Variants in TSNARE1 observed in about 807,000 individuals in gnomAD.
The protein encoded by TSNARE1 is t-SNARE domain containing 1.
TSNARE1 carries 49 observed loss-of-function variants against 62.0 expected under a neutral mutation model. The ratio of observed to expected loss-of-function variants is 0.79; its 90% confidence interval spans 0.63 to 1.00. The LOEUF (loss-of-function observed/expected upper bound fraction) is 1.00, where lower values mean the gene tolerates loss of function less well. Among genes scored for constraint, TSNARE1 ranks in the 50% least tolerant of loss-of-function variants. The pLI, the probability that TSNARE1 is intolerant of heterozygous loss-of-function variation, is 0.00. For synonymous variants in TSNARE1, 328 were observed against 294.4 expected, an observed-to-expected ratio of 1.11 and a Z score of -1.17; for missense variants, 755 against 700.1, an observed-to-expected ratio of 1.08 and a Z score of -0.88.
chr8:142,388,490 A>C (rs1395853716), intron 1 of TSNARE1, among the ~76,000 whole-genome samples: 1 of 147,372 alleles, frequency 6.8e-6, no homozygotes, highest in African/African-American at 2.5e-5. Context: ...TGAAAACCCA[A>C]GATAATGAAC....
intron 10 of TSNARE1, among the ~76,000 whole-genome samples, 195 bp from the exon 11 acceptor site, chr8:142,284,680 G>A (rs771797251): frequency 6.6e-6 from 1 of 152,122 alleles, no homozygotes; most frequent in African/African-American, 2.4e-5. Flanking sequence ...AAGGGCCAGG[G>A]GTGAGCCCAG....
At chr8:142,269,925 C>G (rs377730913) in intron 12 of TSNARE1, 438 of 985,418 alleles carry the variant, frequency 4.4e-4, no homozygotes, top group Non-Finnish European at 4.8e-4. Context: ...AAACGCAAAA[C>G]GAGGAAAAGG....
At chr8:142,352,858 C>T (rs945867157) in intron 2 of TSNARE1, among the ~76,000 whole-genome samples, 7 of 152,170 alleles carry the variant, frequency 4.6e-5, no homozygotes, top group African/African-American at 1.7e-4. Context: ...GGGGGTCAGG[C>T]GCACCACCTC....
At chr8:142,335,732 C>T (rs906894879) in intron 4 of TSNARE1, among the ~76,000 whole-genome samples, 2 of 152,174 alleles carry the variant, frequency 1.3e-5, no homozygotes, top group Non-Finnish European at 2.9e-5. Flanking sequence ...GAAGACGGCT[C>T]GTCCACTCCA....
Position 142,344,352 on chromosome 8 carries a change from C to G in TSNARE1, c.359G>C (p.Arg120Pro). The change falls in exon 4 of 14, where the codon CGG becomes CCG. Residue 120 changes from arginine (R) to proline (P), a missense_variant. By Grantham distance (103) the Arg-to-Pro change is moderately radical. Transcript: ENST00000524325. The stretch of plus-strand genomic sequence containing the variant: ...GAAGTTGGGCTTCCTCTTCTTGGCC[C>G]GGGTAGTGCTGGGCCCCGCCATCCG... ...HGRMAGPSTTRAKKRKPNFCP... is the reference protein window; with the variant it reads ...HGRMAGPSTTPAKKRKPNFCP... 6.4e-7 allele frequency: 1 copy of G among 1,570,862 alleles called. No individual in the cohort carries two copies. Among genetic ancestry groups the G allele is most frequent in the African/African-American group, 1.4e-5 (1 of 73,286 alleles).
chr8:142,220,470 A>C (rs1816158425), intron 13 of TSNARE1, among the ~76,000 whole-genome samples: 1 of 152,154 alleles, frequency 6.6e-6, no homozygotes, highest in African/African-American at 2.4e-5. Context: ...AGAAGCCTCT[A>C]GAGAGCCACA....
intron 6 of TSNARE1, among the ~76,000 whole-genome samples, chr8:142,325,399 G>A (rs888220020): frequency 3.3e-5 from 5 of 152,190 alleles, no homozygotes; most frequent in Non-Finnish European, 5.9e-5. Context: ...GCTCTGCATG[G>A]ACAATCCACC....
chr8:142,242,743 C>T (rs538271398), intron 12 of TSNARE1, among the ~76,000 whole-genome samples: 31 of 152,196 alleles, frequency 2.0e-4, no homozygotes, highest in African/African-American at 7.5e-4. Context: ...GGGTGGATCA[C>T]CTGAGGTCAG....
intron 1 of TSNARE1, among the ~76,000 whole-genome samples, chr8:142,379,514 C>T (rs549338406): frequency 3.3e-5 from 5 of 152,356 alleles, no homozygotes; most frequent in South Asian, 4.1e-4. Flanking sequence ...GCCAGGGGCA[C>T]GATGGGGAAC....
intron 4 of TSNARE1, 80 bp downstream of exon 4, chr8:142,343,886 G>T: frequency 7.4e-7 from 1 of 1,360,138 alleles, no homozygotes; most frequent in South Asian, 1.8e-5. Context: ...GAAGATGCAG[G>T]GCAACATGGC....
intron 12 of TSNARE1, among the ~76,000 whole-genome samples, chr8:142,238,810 C>T (rs142494416): frequency 2.0e-5 from 3 of 149,010 alleles, no homozygotes; most frequent in Non-Finnish European, 4.5e-5. Context: ...CCCCTGCACA[C>T]CTGCCTCTGC....
intron 10 of TSNARE1, among the ~76,000 whole-genome samples, chr8:142,288,595 A>G (rs899466927): frequency 1.3e-5 from 2 of 152,256 alleles, no homozygotes; most frequent in African/African-American, 2.4e-5. Flanking sequence ...TGCGGCTGAC[A>G]GGAGCCGGCA....
intron 9 of TSNARE1, among the ~76,000 whole-genome samples, chr8:142,314,074 C>T (rs563212586): frequency 1.3e-5 from 2 of 152,210 alleles, no homozygotes; most frequent in South Asian, 2.1e-4. Flanking sequence ...CCACCGCGCC[C>T]GGCCACGTGT....
intron 1 of TSNARE1, among the ~76,000 whole-genome samples, chr8:142,374,102 G>A (rs886479521): frequency 2.6e-5 from 4 of 152,176 alleles, no homozygotes; most frequent in East Asian, 1.9e-4. Context: ...TCAGGAGTTC[G>A]AGACCAGCCT....
chr8:142,373,742 C>T (rs140474276), intron 1 of TSNARE1, among the ~76,000 whole-genome samples: 6 of 151,836 alleles, frequency 4.0e-5, no homozygotes, highest in Non-Finnish European at 5.9e-5. Context: ...CCCATCAGGG[C>T]GAGACCTAGA....
chr8:142,374,340 C>A (rs6983488), intron 1 of TSNARE1, among the ~76,000 whole-genome samples: 78,212 of 151,550 alleles, frequency 0.52, 24,111 homozygotes, highest in African/African-American at 0.86. Flanking sequence ...AAAAAGACTT[C>A]AGTTCACTCA....
chr8:142,251,128 C>T (rs1818140110), intron 12 of TSNARE1, among the ~76,000 whole-genome samples: 1 of 152,296 alleles, frequency 6.6e-6, no homozygotes, highest in South Asian at 2.1e-4. Context: ...AGTCACCGGG[C>T]AGGCAAGTGA....
intron 11 of TSNARE1, 69 bp from the exon 12 acceptor site, chr8:142,274,932 C>A (rs555869381): frequency 2.1e-5 from 30 of 1,421,748 alleles, no homozygotes; most frequent in Middle Eastern, 1.8e-4. Flanking sequence ...AGGACACCCC[C>A]CAAAGGCAAG....
intron 1 of TSNARE1, among the ~76,000 whole-genome samples, chr8:142,398,243 G>C (rs1257896721): frequency 1.7e-3 from 161 of 93,390 alleles, no homozygotes; most frequent in Non-Finnish European, 2.9e-3. Flanking sequence ...CTCCCAAAGC[G>C]CACCCCCAGC....
Sources: gnomAD v4.1 joint callset for allele counts (sites outside exome capture counted in the v4.1 genomes callset) on GRCh38, gnomAD v4.1.1 for gene constraint, MANE v1.5 for transcripts, NCBI Gene and HGNC (gene_info 2026-07-23, HGNC 2026-07-21) for gene names.